The following IRAK4 variants were observed in gnomAD, a reference collection of about 807,000 sequenced individuals.
IRAK4 encodes interleukin 1 receptor associated kinase 4, also known as interleukin-1 receptor-associated kinase 4.
IRAK4 carries 44 observed loss-of-function variants against 51.8 expected under a neutral mutation model. The ratio of observed to expected loss-of-function variants is 0.85; its 90% confidence interval spans 0.67 to 1.09. IRAK4 has a LOEUF of 1.09. IRAK4 is among the 50% of genes least tolerant of loss of function. The probability of loss-of-function intolerance (pLI) is 0.00; values close to 1 mark genes in which losing one functional copy is unlikely to be tolerated. For synonymous variants in IRAK4, 149 were observed against 174.1 expected, an observed-to-expected ratio of 0.86 and a Z score of 1.13; for missense variants, 487 against 538.0, an observed-to-expected ratio of 0.91 and a Z score of 0.94.
At chr12:43,764,959 A>G (rs1939966334) in intron 1 of IRAK4, among the ~76,000 whole-genome samples, 1 of 146,580 alleles carries the variant, frequency 6.8e-6, no homozygotes, top group Non-Finnish European at 1.5e-5. Flanking sequence ...CTTGCTTTTG[A>G]CTGTCTGCTT....
intron 5 of IRAK4, 55 bp from the exon 6 acceptor site, chr12:43,773,910 A>G: frequency 8.8e-7 from 1 of 1,131,088 alleles, no homozygotes. Flanking sequence ...GATCCCTCTG[A>G]GCATTAGGAA....
At chr12:43,782,532 T>C in intron 9 of IRAK4, 42 bp downstream of exon 9, 1 of 1,462,274 alleles carries the variant, frequency 6.8e-7, no homozygotes, top group South Asian at 1.2e-5. Context: ...ATCATTCTGC[T>C]ATAATTGTGA....
At chr12:43,774,246 ATTTATTTATTTTTT>A in intron 6 of IRAK4, among the ~76,000 whole-genome samples, 1 of 152,130 alleles carries the variant, frequency 6.6e-6, no homozygotes, top group Middle Eastern at 3.4e-3. Flanking sequence ...AGTCATTTTT[ATTTATTTATTTTTT>A]TTGAGACAGA....
chr12:43,786,407 TAAAG>T lies in IRAK4; in HGVS notation c.1200_1203del (p.Glu401LysfsTer17), dbSNP rs1302665213. On this transcript the variant is annotated frameshift_variant, in exon 11 of 12. Transcript: ENST00000613694. LOFTEE classifies it high-confidence loss of function. The stretch of plus-strand genomic sequence containing the variant: ...TAACACTCATTTTAAAGCTAGATAT[TAAAG>T]AAGAAATTGAAGATGAAGAAAAGAC... The T allele has an allele frequency of 6.3e-7, 1 of 1,581,384 alleles. No individual in the cohort carries two copies.
At chr12:43,764,464 A>G (rs1184772420) in intron 1 of IRAK4, among the ~76,000 whole-genome samples, 1 of 152,224 alleles carries the variant, frequency 6.6e-6, no homozygotes, top group Non-Finnish European at 1.5e-5. Flanking sequence ...ACATAAGCCC[A>G]TGAAGTTCAA....
At chr12:43,775,518 G>A (rs1299570537) in intron 6 of IRAK4, among the ~76,000 whole-genome samples, 1 of 152,118 alleles carries the variant, frequency 6.6e-6, no homozygotes, top group African/African-American at 2.4e-5. Context: ...TTCATGATGT[G>A]TGTGTAGCAT....
rs538947924 is a variant in IRAK4 at position 43,788,539 on chromosome 12, CTTT to C, written c.*1840_*1842del. On this transcript the variant is annotated 3_prime_UTR_variant, in exon 12 of 12. Transcript: ENST00000613694. ...CATGGAATCAAGGAATATGTTAGGG[CTTT>C]TTTTTTTTTTTTTTTGAGACGGAGT... 5.4e-5 allele frequency: 7 copies of C among 130,562 alleles called. No homozygotes were observed. Among genetic ancestry groups the C allele is most frequent in the Admixed American group, 1.6e-4 (2 of 12,888 alleles). The allele number at this position is 130,562 out of a possible 1,614,324, so 8.1% of individuals were successfully genotyped here. A position where few individuals can be genotyped will look rare whatever the true frequency, so the allele number is the denominator to read the frequency against.
Position 43,786,881 on chromosome 12 carries a change from C to T in IRAK4, c.*166C>T. 1.6e-6 allele frequency: 1 copy of T among 639,244 alleles called. No homozygotes were observed. The highest frequency in any genetic ancestry group is 1.9e-5 in the South Asian group (1 of 51,414). 39.6% of individuals were successfully genotyped at this position (639,244 alleles called of 1,614,324 possible). On this transcript the variant is annotated 3_prime_UTR_variant, in exon 12 of 12. Transcript: ENST00000613694. ...GAACTTCCAAAATATAAAAATAGAG[C>T]CACCATATCAACACTTAGCCCTACC...
chr12:43,785,653 TAC>T (rs1170622722), intron 10 of IRAK4, among the ~76,000 whole-genome samples: 3 of 149,172 alleles, frequency 2.0e-5, no homozygotes, highest in Admixed American at 6.7e-5. Context: ...TATATATATA[TAC>T]ACATACCCAG....
Position 43,783,648 on chromosome 12 carries a change from T to G in IRAK4, c.1126-14T>G. On this transcript the variant is annotated splice_polypyrimidine_tract_variant and intron_variant, in intron 9 of 11. Transcript: ENST00000613694. Reference sequence around the variant, plus strand: ...TCTTGTGTATTATATTAATGATTTTTTTTGTCTTCATAGGTTTTACTAGAA... The same window carrying G: ...TCTTGTGTATTATATTAATGATTTTGTTTGTCTTCATAGGTTTTACTAGAA... 3.8e-6 allele frequency: 6 copies of G among 1,560,284 alleles called. No individual in the cohort carries two copies. Among genetic ancestry groups the G allele is most frequent in the Non-Finnish European group, 5.3e-6 (6 of 1,133,492 alleles).
In IRAK4 at chr12:43,786,847, G is replaced by T; in HGVS notation, c.*132G>T. On this transcript the variant is annotated 3_prime_UTR_variant, in exon 12 of 12. Coordinates refer to ENST00000613694, the MANE Select transcript of IRAK4 (RefSeq NM_016123.4). ...CTGTTGCAGGACAGTGGTTATTAAA[G>T]CATGGGTTGAACTTCCAAAATATAA... 1.3e-6 allele frequency: 1 copy of T among 773,354 alleles called. No homozygotes were observed. Among genetic ancestry groups the T allele is most frequent in the East Asian group, 2.6e-5 (1 of 38,686 alleles). The allele number at this position is 773,354 out of a possible 1,614,324, so 47.9% of individuals were successfully genotyped here. A position where few individuals can be genotyped will look rare whatever the true frequency, so the allele number is the denominator to read the frequency against.
At chr12:43,775,192 GA>G (rs1941154931) in intron 6 of IRAK4, among the ~76,000 whole-genome samples, 1 of 152,070 alleles carries the variant, frequency 6.6e-6, no homozygotes, top group African/African-American at 2.4e-5. Flanking sequence ...GATACATGCT[GA>G]AAAAAGATCA....
At chr12:43,775,235 T>TCCTA (rs1941158439) in intron 6 of IRAK4, among the ~76,000 whole-genome samples, 1 of 152,188 alleles carries the variant, frequency 6.6e-6, no homozygotes, top group African/African-American at 2.4e-5. Context: ...TCTTCTTCAC[T>TCCTA]CCTACCCCTA....
chr12:43,768,326 A>C, intron 2 of IRAK4, 54 bp downstream of exon 2: 1 of 1,342,394 alleles, frequency 7.4e-7, no homozygotes, highest in African/African-American at 1.4e-5. Flanking sequence ...ATATGGAATG[A>C]TTAATTGGTA....
Position 43,774,526 on chromosome 12 carries a change from C to T in IRAK4, c.716+497C>T, listed in dbSNP as rs963886325. On this transcript the variant is annotated intron_variant, in intron 6 of 11. Transcript: ENST00000613694. ...CCTCCCAAAGAGCTGGGATTACAGG[C>T]GTGACCACGCCTGGCCGCAGTCATT... Among the ~76,000 whole-genome samples the T allele has an allele frequency of 5.9e-5, 9 of 152,318 alleles. No homozygotes were observed. In the East Asian group the frequency reaches 7.7e-4, roughly 13 times the overall value.
Position 43,774,119 on chromosome 12 carries a change from G to C in IRAK4, c.716+90G>C, listed in dbSNP as rs573115933. 32 of 846,654 alleles carry C rather than the reference G, an allele frequency of 3.8e-5. No individual in the cohort carries two copies. The African/African-American group carries it at 4.5e-4, about 12-fold the overall frequency. The allele number at this position is 846,654 out of a possible 1,614,324, so 52.4% of individuals were successfully genotyped here. ...TCACTCTAGAGTATGCCATGAACTA[G>C]TGATGTTTGCACATATATGAAATTA... On this transcript the variant is annotated intron_variant, in intron 6 of 11. Transcript: ENST00000613694.
chr12:43,772,842 A>C, intron 4 of IRAK4, 70 bp from the exon 5 acceptor site: 1 of 1,136,620 alleles, frequency 8.8e-7, no homozygotes, highest in Non-Finnish European at 1.3e-6. Context: ...GAAATCTTCA[A>C]ATGAGAAAAT....
At chr12:43,775,769 A>G (rs1358080778) in intron 6 of IRAK4, among the ~76,000 whole-genome samples, 4 of 152,088 alleles carry the variant, frequency 2.6e-5, no homozygotes, top group African/African-American at 9.7e-5. Context: ...AACTTTTTAA[A>G]GACTTTCTAA....
In IRAK4 at chr12:43,777,694, GTA is replaced by G. The variant is rs1941410343; in HGVS notation, c.785_786del (p.Tyr262CysfsTer5). 1 of 1,613,238 alleles carries G rather than the reference GTA, an allele frequency of 6.2e-7. No homozygotes were observed. Among genetic ancestry groups the G allele is most frequent in the Non-Finnish European group, 8.5e-7 (1 of 1,179,594 alleles). Reference protein sequence around the residue: ...FSSDGDDLCLVYVYMPNGSLL... With the variant: ...FSSDGDDLCLXYVYMPNGSLL... Reference sequence around the variant, plus strand: ...AAGTGATGGAGATGACCTCTGCTTAGTATATGTTTACATGCCTAATGGTTCAT... The same window carrying G: ...AAGTGATGGAGATGACCTCTGCTTAGTATGTTTACATGCCTAATGGTTCAT... On this transcript the variant is annotated frameshift_variant, in exon 7 of 12. Coordinates refer to ENST00000613694, the MANE Select transcript of IRAK4 (RefSeq NM_016123.4). LOFTEE classifies it high-confidence loss of function.
Sources: allele counts gnomAD v4.1 joint callset (sites outside exome capture counted in the v4.1 genomes callset), GRCh38; gene constraint gnomAD v4.1.1; transcripts MANE v1.5; gene names NCBI Gene and HGNC (gene_info 2026-07-23, HGNC 2026-07-21).